PSCA: variants seen among roughly 807,000 people sequenced by gnomAD.
PSCA encodes prostate stem cell antigen.
In PSCA, 7 loss-of-function variants were observed where a neutral mutation model predicts 7.9. That is an observed-to-expected ratio of 0.89 (90% CI 0.51 to 1.67). The LOEUF (loss-of-function observed/expected upper bound fraction) is 1.67, where lower values mean the gene tolerates loss of function less well. Among genes scored for constraint, PSCA ranks in the 40% most tolerant of loss-of-function variants. The pLI, the probability that PSCA is intolerant of heterozygous loss-of-function variation, is 0.00. For synonymous variants in PSCA, 61 were observed against 68.3 expected (o/e 0.89, Z 0.53); for missense variants, 151 against 147.9 (o/e 1.02, Z -0.11).
At chr8:142,675,585 CCA>C (rs1847390449), upstream of PSCA, among the ~76,000 whole-genome samples, 1 of 152,188 alleles carries the variant, frequency 6.6e-6, no homozygotes, top group Non-Finnish European at 1.5e-5. Flanking sequence ...GTGCACACAC[CCA>C]CACTCACTTG....
intron 1 of PSCA, 52 bp from the exon 2 acceptor site, chr8:142,681,275 C>T (rs1563805327): frequency 1.4e-6 from 2 of 1,410,474 alleles, no homozygotes; most frequent in East Asian, 5.0e-5. Flanking sequence ...GCCCCCATTC[C>T]TGGGGAGTGC....
At chr8:142,681,479 G>A (rs1814634294) in intron 2 of PSCA, 45 bp downstream of exon 2, 1 of 1,493,382 alleles carries the variant, frequency 6.7e-7, no homozygotes, top group Non-Finnish European at 9.1e-7. Flanking sequence ...CTCTGCCACT[G>A]AACTATTAAT....
chr8:142,680,493 C>T, upstream of PSCA: 1 of 1,551,536 alleles, frequency 6.4e-7, no homozygotes, highest in Non-Finnish European at 8.7e-7. Context: ...GCCCTCTCCA[C>T]CACAGCCCAC....
rs782759212 is a variant in PSCA, at chr8:142,681,932, C to A, written c.145C>A (p.Leu49Ile). The change falls in exon 3 of 3, where the codon CTC becomes ATC. Residue 49 changes from leucine to isoleucine, a missense_variant. Transcript: ENST00000301258. Reference protein sequence around the residue: ...CWTARIRAVGLLTVISKGCSL... With the variant: ...CWTARIRAVGILTVISKGCSL... ...CCGCTGCTCCCCAGGCGCAGTTGGC[C>A]TCCTGACCGTCATCAGCAAAGGCTG... 1.3e-6 allele frequency: 2 copies of A among 1,546,628 alleles called. No homozygotes were observed. Among genetic ancestry groups the A allele is most frequent in the Middle Eastern group, 1.7e-4 (1 of 5,928 alleles).
At chr8:142,677,289 G>A (rs782391584), upstream of PSCA, among the ~76,000 whole-genome samples, 6 of 152,198 alleles carry the variant, frequency 3.9e-5, no homozygotes, top group African/African-American at 7.2e-5. Context: ...CCCTCAGTGC[G>A]GCGGATGCTG....
rs782349688 is a variant in PSCA, at chr8:142,681,901, C to T, written c.134-20C>T. ...TGAGCACACAGGGCAGCCCCATCCC[C>T]GGATCCCGCTGCTCCCCAGGCGCAG... On this transcript the variant is annotated intron_variant, in intron 2 of 2. Transcript: ENST00000301258. 5.1e-5 allele frequency: 77 copies of T among 1,505,322 alleles called. No individual in the cohort carries two copies. The highest frequency in any genetic ancestry group is 6.1e-5 in the Non-Finnish European group (68 of 1,118,272). 93.2% of individuals were successfully genotyped at this position (1,505,322 alleles called of 1,614,324 possible).
chr8:142,673,342 A>G lies in PSCA; in HGVS notation n.261+2774A>G, dbSNP rs1266614205. ...CATGAAACTGGGGCCTCATCCCAAGATGCATGGGGCTCCTCCAGGTGCTCC... is the reference window on the plus strand; with the variant it reads ...CATGAAACTGGGGCCTCATCCCAAGGTGCATGGGGCTCCTCCAGGTGCTCC... On this transcript the variant is annotated intron_variant and non_coding_transcript_variant, in intron 1 of 1. Coordinates refer to the PSCA transcript ENST00000505305. The surrounding 1 kb of genome is among the most constrained non-coding windows in gnomAD (Gnocchi z 4.6). Among the ~76,000 whole-genome samples the G allele has an allele frequency of 6.6e-6, 1 of 152,154 alleles. No homozygotes were observed. Among genetic ancestry groups the G allele is most frequent in the Non-Finnish European group, 1.5e-5 (1 of 68,040 alleles).
chr8:142,680,805 A>C, intron 1 of PSCA: 1 of 595,020 alleles, frequency 1.7e-6, no homozygotes, highest in East Asian at 2.8e-5. Context: ...ACTCTCCTTC[A>C]CCACCGTGGG....
At chr8:142,680,408 C>A, upstream of PSCA, 2 of 1,153,782 alleles carry the variant, frequency 1.7e-6, no homozygotes, top group Non-Finnish European at 1.3e-6. Flanking sequence ...CCCTCACTGG[C>A]TCCAGGAAAC....
At chr8:142,675,895 T>G (rs1847395309), upstream of PSCA, 1 of 152,246 alleles carries the variant, frequency 6.6e-6, no homozygotes, top group Non-Finnish European at 1.5e-5. Context: ...GACACCAGCG[T>G]GGCTTTGCAA....
In PSCA at chr8:142,682,173, C is replaced by T; in HGVS notation, c.*41C>T. Reference sequence around the variant, plus strand: ...GCTGCAGCCCACACTGGGTGTGGTGCCCCAGGCCTCTGTGCCACTCCTCAC... The same window carrying T: ...GCTGCAGCCCACACTGGGTGTGGTGTCCCAGGCCTCTGTGCCACTCCTCAC... On this transcript the variant is annotated 3_prime_UTR_variant, in exon 3 of 3. Coordinates refer to ENST00000301258, the MANE Select transcript of PSCA (RefSeq NM_005672.5). 6.4e-7 allele frequency: 1 copy of T among 1,561,428 alleles called. No homozygotes were observed. Among genetic ancestry groups the T allele is most frequent in the African/African-American group, 1.3e-5 (1 of 74,144 alleles).
At chr8:142,675,038 G>A (rs1847383368) in intron 1 of PSCA, among the ~76,000 whole-genome samples, 1 of 152,252 alleles carries the variant, frequency 6.6e-6, no homozygotes. Flanking sequence ...CCTTTGCTCA[G>A]GTGCCGGAGG....
chr8:142,671,495 G>A (rs764550042), intron 1 of PSCA, among the ~76,000 whole-genome samples: 9 of 152,318 alleles, frequency 5.9e-5, no homozygotes, highest in South Asian at 4.1e-4. Flanking sequence ...GGATCACCAC[G>A]TTTATGGTAA....
chr8:142,670,446 G>A (rs2978974), exon 1 of PSCA: 57,252 of 152,100 alleles, frequency 0.38, 11,275 homozygotes, highest in African/African-American at 0.49. Flanking sequence ...GCTGCCTTCC[G>A]GTCACCAGGA....
intron 1 of PSCA, among the ~76,000 whole-genome samples, chr8:142,670,729 C>T (rs1462091884): frequency 6.6e-6 from 1 of 152,166 alleles, no homozygotes; most frequent in African/African-American, 2.4e-5. Flanking sequence ...CACATCCTAA[C>T]TTCCAGGTCT....
At chr8:142,671,003 C>G (rs587719443) in intron 1 of PSCA, among the ~76,000 whole-genome samples, 3 of 152,340 alleles carry the variant, frequency 2.0e-5, no homozygotes, top group South Asian at 4.1e-4. Context: ...CTTATAATAC[C>G]TAATACAATG....
chr8:142,680,378 G>A (rs951813380), upstream of PSCA: 8 of 752,224 alleles, frequency 1.1e-5, no homozygotes, highest in East Asian at 2.7e-5. Context: ...GAGGAGACTC[G>A]GACCTGCCCA....
chr8:142,677,535 C>G (rs1847412869), upstream of PSCA, among the ~76,000 whole-genome samples: 1 of 152,206 alleles, frequency 6.6e-6, no homozygotes, highest in African/African-American at 2.4e-5. Flanking sequence ...ACGGAAAGTT[C>G]CAGGCTGGCA....
At chr8:142,681,832 TA>T in intron 2 of PSCA, 88 bp from the exon 3 acceptor site, 1 of 912,206 alleles carries the variant, frequency 1.1e-6, no homozygotes, top group South Asian at 1.7e-5. Flanking sequence ...TCTAGAGCAT[TA>T]GGCAGGGTGG....
Sources: gnomAD v4.1 joint callset for allele counts (sites outside exome capture counted in the v4.1 genomes callset) on GRCh38, gnomAD v4.1.1 for gene constraint, Gnocchi (gnomAD v3.1) non-coding constraint, MANE v1.5 for transcripts, NCBI Gene and HGNC (gene_info 2026-07-23, HGNC 2026-07-21) for gene names.